RFX3: variants seen among roughly 807,000 people sequenced by gnomAD.
RFX3 encodes the protein regulatory factor X3.
Under a neutral mutation model 98.6 loss-of-function variants are expected in RFX3, and 14 were observed. The observed-to-expected ratio is 0.14, with a 90% confidence interval of 0.09 to 0.22. RFX3 has a LOEUF of 0.22. Among genes scored for constraint, RFX3 ranks in the 10% least tolerant of loss-of-function variants. The pLI is 1.00. For synonymous variants in RFX3, 383 were observed against 328.4 expected (o/e 1.17, Z -1.80); for missense variants, 639 against 926.9 (o/e 0.69, Z 4.03).
chr9:3,324,043 A>G (rs796810933), intron 4 of RFX3: 1 of 455,984 alleles, frequency 2.2e-6, no homozygotes, highest in African/African-American at 2.0e-5. Context: ...TGTAGGAAAC[A>G]GACGGTTCAT....
chr9:3,406,099 T>C (rs757400813), intron 1 of RFX3, among the ~76,000 whole-genome samples: 1 of 151,996 alleles, frequency 6.6e-6, no homozygotes, highest in Non-Finnish European at 1.5e-5. Context: ...TGGGACCATG[T>C]GCACATGCCA....
chr9:3,239,400 C>T (rs557148190), intron 15 of RFX3, among the ~76,000 whole-genome samples: 4 of 152,328 alleles, frequency 2.6e-5, no homozygotes, highest in South Asian at 2.1e-4. Context: ...TTGCTCCACA[C>T]GTGGGCAAAT....
intron 1 of RFX3, among the ~76,000 whole-genome samples, chr9:3,481,555 T>G (rs777717348): frequency 3.3e-5 from 5 of 151,674 alleles, no homozygotes; most frequent in Non-Finnish European, 5.9e-5. Context: ...TGTTATAATG[T>G]GGGGACATCA....
At chr9:3,275,918 T>A (rs1332704217) in intron 8 of RFX3, among the ~76,000 whole-genome samples, 1 of 151,874 alleles carries the variant, frequency 6.6e-6, no homozygotes, top group Non-Finnish European at 1.5e-5. Flanking sequence ...AAAAGAAAAA[T>A]ATCTCGAGCT....
chr9:3,293,082 G>A lies in RFX3; in HGVS notation c.726C>T (p.Gly242=), dbSNP rs1827593644. ...IFMGLRTRRL[G]TRGNSKYHYY... is the part of the protein sequence containing the mutation. Reference sequence around the variant, plus strand: ...TCTTATTTTTCAATACTAACCTAGTGCCCAATCTCCTGGTTCGTAGCCCCA... The same window carrying A: ...TCTTATTTTTCAATACTAACCTAGTACCCAATCTCCTGGTTCGTAGCCCCA... Residue 242 remains glycine (G), a synonymous_variant, in exon 6 of 17, where the codon GGC becomes GGT. Transcript: ENST00000617270. 2 of 1,609,624 alleles carry A rather than the reference G, an allele frequency of 1.2e-6. No individual in the cohort carries two copies. Among genetic ancestry groups the A allele is most frequent in the Non-Finnish European group, 1.7e-6 (2 of 1,177,662 alleles).
intron 1 of RFX3, among the ~76,000 whole-genome samples, chr9:3,414,181 T>C (rs17728710): frequency 0.011 from 1,637 of 152,178 alleles, 18 homozygotes; most frequent in East Asian, 0.03. Context: ...AAGACAAAAC[T>C]AGGACACACA....
intron 1 of RFX3, among the ~76,000 whole-genome samples, chr9:3,504,281 CATATAAAATAT>C (rs1458630451): frequency 8.0e-6 from 1 of 125,118 alleles, no homozygotes; most frequent in African/African-American, 3.3e-5. Flanking sequence ...TTGTATATAA[CATATAAAATAT>C]ATATTATATA....
intron 2 of RFX3, among the ~76,000 whole-genome samples, chr9:3,365,695 A>G (rs77130331): frequency 0.027 from 4,071 of 152,246 alleles, 194 homozygotes; most frequent in African/African-American, 0.094. Context: ...AGTTTCATAA[A>G]GTATTCAGAC....
chr9:3,322,395 T>C (rs555591969), intron 4 of RFX3, among the ~76,000 whole-genome samples: 5 of 152,350 alleles, frequency 3.3e-5, no homozygotes, highest in East Asian at 1.9e-4. Context: ...TTTGTTTCCA[T>C]TATATTTTCT....
chr9:3,241,418 GTT>G lies in RFX3; in HGVS notation c.1968+6612_1968+6613del, dbSNP rs1563786278. 4.3e-4 allele frequency among the ~76,000 whole-genome samples: 65 copies of G among 152,206 alleles called. 3 individuals carry two copies. The East Asian group carries it at 0.012, about 28-fold the overall frequency. Reference sequence around the variant, plus strand: ...TTCCCTGAAGAGGATGAGAGGAGAGGTTATAGCCCAGAGCCAGCAGGGAAGAA... The same window carrying G: ...TTCCCTGAAGAGGATGAGAGGAGAGGATAGCCCAGAGCCAGCAGGGAAGAA... On this transcript the variant is annotated intron_variant, in intron 15 of 16. Coordinates refer to ENST00000617270, the MANE Select transcript of RFX3 (RefSeq NM_001282116.2).
chr9:3,485,381 G>C (rs1370896404), intron 1 of RFX3, among the ~76,000 whole-genome samples: 1 of 152,106 alleles, frequency 6.6e-6, no homozygotes, highest in African/African-American at 2.4e-5. Flanking sequence ...AAGTCTTCAA[G>C]GTAACAATTA....
chr9:3,247,887 T>C lies in RFX3; in HGVS notation c.1968+145A>G, dbSNP rs367638789. 4.3e-6 allele frequency: 7 copies of C among 1,609,396 alleles called. No homozygotes were observed. In the African/African-American group the frequency reaches 8.0e-5, roughly 18 times the overall value. ...AAGAACAGAGGAATTTAAGGAACTC[T>C]TGCAATAACTCCACAGTCCCTCCTG... On this transcript the variant is annotated intron_variant, in intron 15 of 16. Coordinates refer to ENST00000617270, the MANE Select transcript of RFX3 (RefSeq NM_001282116.2).
At chr9:3,366,961 G>C (rs1275172322) in intron 2 of RFX3, among the ~76,000 whole-genome samples, 1 of 151,936 alleles carries the variant, frequency 6.6e-6, no homozygotes, top group Non-Finnish European at 1.5e-5. Flanking sequence ...TGAGTTATAT[G>C]CTTCACTCTA....
At chr9:3,505,001 T>C (rs1285795405) in intron 1 of RFX3, among the ~76,000 whole-genome samples, 1 of 73,614 alleles carries the variant, frequency 1.4e-5, no homozygotes, top group Non-Finnish European at 2.4e-5. Context: ...ATATATATTA[T>C]ATAAAATGTA....
At chr9:3,403,819 G>C (rs969400919) in intron 1 of RFX3, among the ~76,000 whole-genome samples, 5 of 152,270 alleles carry the variant, frequency 3.3e-5, no homozygotes, top group African/African-American at 1.2e-4. Context: ...CGAGCAGGTA[G>C]TACTGCACCA....
chr9:3,442,335 C>CA (rs564751234), intron 1 of RFX3, among the ~76,000 whole-genome samples: 229 of 149,996 alleles, frequency 1.5e-3, no homozygotes, highest in African/African-American at 3.3e-3. Context: ...GCACCTCTCC[C>CA]AAAAAAAAAT....
intron 1 of RFX3, among the ~76,000 whole-genome samples, chr9:3,417,394 C>T (rs560829565): frequency 6.6e-6 from 1 of 152,102 alleles, no homozygotes; most frequent in South Asian, 2.1e-4. Context: ...CAAGTACACA[C>T]AAAACATTTA....
intron 4 of RFX3, among the ~76,000 whole-genome samples, chr9:3,307,050 C>G (rs370958618): frequency 6.6e-6 from 1 of 151,998 alleles, no homozygotes; most frequent in African/African-American, 2.4e-5. Flanking sequence ...GTTTTAAAAA[C>G]GGGAGTTTCT....
intron 1 of RFX3, among the ~76,000 whole-genome samples, chr9:3,515,652 A>G (rs1818080307): frequency 6.6e-6 from 1 of 152,168 alleles, no homozygotes; most frequent in Admixed American, 6.5e-5. Context: ...CAACTAAAAC[A>G]TGGAGGAAAC....
Sources: allele counts gnomAD v4.1 joint callset (sites outside exome capture counted in the v4.1 genomes callset), GRCh38; gene constraint gnomAD v4.1.1; transcripts MANE v1.5; gene names NCBI Gene and HGNC (gene_info 2026-07-23, HGNC 2026-07-21).